PLEKHS1: variants seen among roughly 807,000 people sequenced by gnomAD.
The protein encoded by PLEKHS1 is pleckstrin homology domain-containing family S member 1.
In PLEKHS1, 55 loss-of-function variants were observed where a neutral mutation model predicts 51.0. The observed-to-expected ratio is 1.08, with a 90% CI of 0.87 to 1.35. PLEKHS1 has a LOEUF of 1.35. PLEKHS1 is among the 40% of genes most tolerant of loss of function. PLEKHS1 has a pLI of 0.00. For missense variants in PLEKHS1, 398 were observed against 423.0 expected (o/e 0.94, Z 0.52); for synonymous variants, 153 against 144.8 (o/e 1.06, Z -0.41).
chr10:113,766,582 A>G, intron 3 of PLEKHS1, 30 bp from the exon 4 acceptor site: 1 of 1,591,434 alleles, frequency 6.3e-7, no homozygotes, highest in East Asian at 2.2e-5. Context: ...CTGAGATTTA[A>G]CTAAGACATA....
intron 7 of PLEKHS1, among the ~76,000 whole-genome samples, chr10:113,770,854 AGC>A (rs1197634439): frequency 6.6e-6 from 1 of 152,166 alleles, no homozygotes; most frequent in East Asian, 1.9e-4. Flanking sequence ...TTTTTAAACC[AGC>A]TCGAGTTAAC....
At chr10:113,755,213 C>G (rs1264577027) in intron 1 of PLEKHS1, 46 bp from the exon 2 acceptor site, 1 of 1,558,874 alleles carries the variant, frequency 6.4e-7, no homozygotes. Context: ...CAATGAAACA[C>G]ACGTAGTGTT....
chr10:113,768,751 C>T (rs1356829718), intron 5 of PLEKHS1, 64 bp from the exon 6 acceptor site: 4 of 1,302,564 alleles, frequency 3.1e-6, no homozygotes, highest in Non-Finnish European at 4.4e-6. Context: ...TAAAAGAATC[C>T]TTCTCTGGTT....
intron 1 of PLEKHS1, among the ~76,000 whole-genome samples, chr10:113,755,024 C>T (rs1451643902): frequency 6.6e-6 from 1 of 152,214 alleles, no homozygotes; most frequent in African/African-American, 2.4e-5. Context: ...AACACCTCCG[C>T]AGAACCACCC....
At chr10:113,772,499 G>A (rs1387659530) in intron 8 of PLEKHS1, among the ~76,000 whole-genome samples, 1 of 152,136 alleles carries the variant, frequency 6.6e-6, no homozygotes, top group East Asian at 1.9e-4. Flanking sequence ...TGTGTGCTGT[G>A]TATCGATCAG....
intron 2 of PLEKHS1, among the ~76,000 whole-genome samples, chr10:113,758,431 CT>C (rs890157425): frequency 4.0e-5 from 6 of 151,430 alleles, no homozygotes; most frequent in Non-Finnish European, 4.4e-5. Context: ...TGAAAGGAAT[CT>C]TTTTTTTTCT....
chr10:113,777,688 G>T, intron 11 of PLEKHS1: 1 of 1,524,100 alleles, frequency 6.6e-7, no homozygotes. Context: ...CATATTAGGT[G>T]CTCAATAAAG....
chr10:113,776,003 T>C, intron 11 of PLEKHS1, 137 bp downstream of exon 11: 1 of 569,244 alleles, frequency 1.8e-6, no homozygotes, highest in Non-Finnish European at 2.9e-6. Flanking sequence ...GACTGGCTGT[T>C]GTTACAAAAA....
At chr10:113,769,469 G>A (rs1234806102) in intron 6 of PLEKHS1, among the ~76,000 whole-genome samples, 6 of 152,152 alleles carry the variant, frequency 3.9e-5, no homozygotes, top group African/African-American at 1.4e-4. Flanking sequence ...ATCAAGGCAT[G>A]TCTTCAAGTA....
rs1289263600 is a variant in PLEKHS1 at position 113,766,663 on chromosome 10, T to G, written c.169T>G (p.Phe57Val). The change falls in exon 4 of 12, where the codon TTT becomes GTT. Residue 57 changes from phenylalanine to valine, a missense_variant. Phe to Val is a conservative substitution (Grantham distance 50). Transcript: ENST00000361048. ...CCTGTCAAAGGCTGGGGAAAAGAGC[T>G]TTAGTCTTTCCTATTATAAAGACCA... The G allele has an allele frequency of 1.9e-6, 3 of 1,613,198 alleles. No homozygotes were observed. The highest frequency in any genetic ancestry group is 1.7e-5 in the Admixed American group (1 of 59,850).
chr10:113,760,613 T>G (rs1055356949), intron 2 of PLEKHS1, among the ~76,000 whole-genome samples: 41 of 152,384 alleles, frequency 2.7e-4, no homozygotes, highest in African/African-American at 9.6e-4. Context: ...TTATTTTCTT[T>G]AGAAGAATGT....
At chr10:113,771,668 C>T (rs1844412581) in intron 7 of PLEKHS1, among the ~76,000 whole-genome samples, 1 of 121,440 alleles carries the variant, frequency 8.2e-6, no homozygotes, top group African/African-American at 3.2e-5. Context: ...GAGTGAGACT[C>T]TGTCTCAAAA....
At position 113,772,053 on chromosome 10, in the gene PLEKHS1, GA is replaced by G. The variant is rs753708780; in HGVS notation, c.638del (p.Asn213IlefsTer11). 1.2e-6 allele frequency: 2 copies of G among 1,613,714 alleles called. No homozygotes were observed. The highest frequency in any genetic ancestry group is 1.7e-6 in the Non-Finnish European group (2 of 1,179,956). ...AAGCCACTCAAGATGTGAAGGAAGA[GA>G]ATCATTATCTTACTCCTCGAAGTGT... On this transcript the variant is annotated frameshift_variant, in exon 8 of 12. Coordinates refer to ENST00000361048, the Ensembl canonical transcript of PLEKHS1. LOFTEE classifies it high-confidence loss of function.
exon 12 of PLEKHS1, chr10:113,782,331 T>A (rs542831989): frequency 6.6e-6 from 1 of 152,300 alleles, no homozygotes; most frequent in East Asian, 1.9e-4. Flanking sequence ...TGAACTTGGA[T>A]TTGAAAATAC....
intron 11 of PLEKHS1, among the ~76,000 whole-genome samples, chr10:113,778,350 T>C (rs189422463): frequency 1.3e-5 from 2 of 152,372 alleles, no homozygotes; most frequent in Admixed American, 1.3e-4. Flanking sequence ...TATTGGACTT[T>C]CCTGTTAGCT....
intron 2 of PLEKHS1, chr10:113,764,934 T>C (rs1217292126): frequency 1.3e-5 from 2 of 153,718 alleles, no homozygotes; most frequent in African/African-American, 4.8e-5. Context: ...AATTTCACTT[T>C]AGGTCTTCTT....
chr10:113,778,243 G>A (rs2134587709), intron 11 of PLEKHS1, among the ~76,000 whole-genome samples: 1 of 152,304 alleles, frequency 6.6e-6, no homozygotes, highest in Admixed American at 6.5e-5. Flanking sequence ...GGATGGAGGT[G>A]AAAGGAGAGG....
chr10:113,761,770 G>A (rs1843943061), intron 2 of PLEKHS1, among the ~76,000 whole-genome samples: 1 of 151,766 alleles, frequency 6.6e-6, no homozygotes, highest in Non-Finnish European at 1.5e-5. Context: ...ACTTATTTTG[G>A]ATGCATTTTT....
At chr10:113,766,466 T>G in exon 3 of PLEKHS1, 1 of 1,604,618 alleles carries the variant, frequency 6.2e-7, no homozygotes, top group South Asian at 1.1e-5. Flanking sequence ...ATTACTTTAT[T>G]AAATCACCAC....
Sources: gnomAD v4.1 joint callset for allele counts (sites outside exome capture counted in the v4.1 genomes callset) on GRCh38, gnomAD v4.1.1 for gene constraint, MANE v1.5 for transcripts, NCBI Gene and HGNC (gene_info 2026-07-23, HGNC 2026-07-21) for gene names.